The following KCNC3 variants were observed in gnomAD, a reference collection of about 807,000 sequenced individuals.
The protein encoded by KCNC3 is potassium voltage-gated channel subfamily C member 3.
A neutral mutation model predicts 43.9 loss-of-function variants in KCNC3; 22 were observed. That is an observed-to-expected ratio of 0.50 (90% CI 0.36 to 0.72). The LOEUF (loss-of-function observed/expected upper bound fraction) is 0.72. Among genes scored for constraint, KCNC3 ranks in the 30% least tolerant of loss-of-function variants. KCNC3 has a pLI of 0.00. For missense variants in KCNC3, 829 were observed against 1,073.8 expected, an observed-to-expected ratio of 0.77 and a Z score of 3.19; for synonymous variants, 492 against 488.0, an observed-to-expected ratio of 1.01 and a Z score of -0.11.
chr19:50,320,079 G>A, intron 4 of KCNC3, 144 bp downstream of exon 4: 1 of 207,270 alleles, frequency 4.8e-6, no homozygotes, highest in Non-Finnish European at 9.5e-6. Context: ...TCAGTGTCAG[G>A]AGCTGGGGGT....
intron 1 of KCNC3, among the ~76,000 whole-genome samples, chr19:50,325,530 G>A (rs531120446): frequency 9.3e-4 from 142 of 152,302 alleles, no homozygotes; most frequent in African/African-American, 3.3e-3. Flanking sequence ...CGGGGCCACA[G>A]AGAGGACCCT....
Position 50,313,212 on chromosome 19 carries a change from C to T in KCNC3, c.*2903G>A, listed in dbSNP as rs559397386. Reference sequence around the variant, plus strand: ...ACCCGCGAGCGTGACGCGGTGAGGACCGCTGGGGAAGGGGGGCTGGGATCC... The same window carrying T: ...ACCCGCGAGCGTGACGCGGTGAGGATCGCTGGGGAAGGGGGGCTGGGATCC... On this transcript the variant is annotated 3_prime_UTR_variant, in exon 5 of 5. Coordinates refer to ENST00000477616, the MANE Select transcript of KCNC3 (RefSeq NM_004977.3). 6.6e-6 allele frequency: 1 copy of T among 152,212 alleles called. No homozygotes were observed. The highest frequency in any genetic ancestry group is 1.9e-4 in the East Asian group (1 of 5,152). 9.4% of individuals were successfully genotyped at this position (152,212 alleles called of 1,614,324 possible).
intron 2 of KCNC3, among the ~76,000 whole-genome samples, chr19:50,320,992 C>T (rs938165945): frequency 9.2e-5 from 5 of 54,114 alleles, no homozygotes; most frequent in Non-Finnish European, 1.6e-4. Flanking sequence ...CAAGGGGGCG[C>T]GGCTGGGGGG....
At position 50,329,054 on chromosome 19, in the gene KCNC3, A is replaced by G. The variant is rs1254944092; in HGVS notation, c.29T>C (p.Phe10Ser). The change falls in exon 1 of 5, where the codon TTC becomes TCC. Residue 10 changes from phenylalanine (F) to serine (S), a missense_variant. Physicochemically the swap from Phe to Ser is radical, Grantham distance 155. This residue lies in a region of KCNC3 where 129 missense variants were observed against 83.6 expected (regional missense o/e 1.54). Transcript: ENST00000477616. MLSSVCVSS[F>S]RGRQGASKQQ... ...CTTGCTGGCCCCCTGGCGCCCGCGG[A>G]AGGACGAGACGCAGACTGAGCTCAG... 5.4e-6 allele frequency: 7 copies of G among 1,304,234 alleles called. No individual in the cohort carries two copies. In the African/African-American group the frequency reaches 6.5e-5, roughly 12 times the overall value. The allele number at this position is 1,304,234 out of a possible 1,614,324, so 80.8% of individuals were successfully genotyped here.
chr19:50,323,774 A>G lies in KCNC3; in HGVS notation c.1179T>C (p.Tyr393=). The change falls in exon 2 of 5, where the codon TAT becomes TAC. Residue 393 remains tyrosine (Y), a synonymous_variant. Coordinates refer to ENST00000477616, the MANE Select transcript of KCNC3 (RefSeq NM_004977.3). ...TGAGGCCCGAGAGGCCCACCTCGAG[A>G]TAGAAGGGCAGGATGGCCACACAGT... The part of the protein sequence containing the change: ...IIDCVAILPF[Y]LEVGLSGLSS... The G allele has an allele frequency of 6.2e-7, 1 of 1,614,166 alleles. No homozygotes were observed. The highest frequency in any genetic ancestry group is 8.5e-7 in the Non-Finnish European group (1 of 1,180,024).
rs753266819 is a variant in KCNC3 at position 50,323,771 on chromosome 19, G to A, written c.1182C>T (p.Leu394=). The change falls in exon 2 of 5, where the codon CTC becomes CTT. Residue 394 remains leucine, a synonymous_variant. Coordinates refer to ENST00000477616, the MANE Select transcript of KCNC3 (RefSeq NM_004977.3). ...AGCTGAGGCCCGAGAGGCCCACCTC[G>A]AGATAGAAGGGCAGGATGGCCACAC... ...IDCVAILPFY[L]EVGLSGLSSK... 14 of 1,614,092 alleles carry A rather than the reference G, an allele frequency of 8.7e-6. No individual in the cohort carries two copies. Among genetic ancestry groups the A allele is most frequent in the South Asian group, 2.2e-5 (2 of 91,088 alleles).
At position 50,328,636 on chromosome 19, in the gene KCNC3, G is replaced by C; in HGVS notation, c.447C>G (p.Asn149Lys). ...AGTGCAGCTTGCCGGTGCGGTAGTAGTTGAGCACGTACGCGAAGACTCCCG... is the reference window on the plus strand; with the variant it reads ...AGTGCAGCTTGCCGGTGCGGTAGTACTTGAGCACGTACGCGAAGACTCCCG... ...RHPGVFAYVL[N>K]YYRTGKLHCP... is the part of the protein sequence containing the mutation. Residue 149 changes from asparagine (N) to lysine (K), a missense_variant, in exon 1 of 5, where the codon AAC (asparagine) becomes AAG (lysine). Physicochemically the swap from Asn to Lys is moderately conservative, Grantham distance 94. Coordinates refer to ENST00000477616, the MANE Select transcript of KCNC3 (RefSeq NM_004977.3). 6.2e-7 allele frequency: 1 copy of C among 1,611,598 alleles called. No individual in the cohort carries two copies. The highest frequency in any genetic ancestry group is 8.5e-7 in the Non-Finnish European group (1 of 1,179,430).
chr19:50,321,494 G>C lies in KCNC3; in HGVS notation c.1979-710C>G, dbSNP rs552876425. ...AAAGATAAAAGATAAAAGATGCCAGGCGTGGTGGCTTACGCCTGTAATCCC... is the reference window on the plus strand; with the variant it reads ...AAAGATAAAAGATAAAAGATGCCAGCCGTGGTGGCTTACGCCTGTAATCCC... On this transcript the variant is annotated intron_variant, in intron 2 of 4. Coordinates refer to ENST00000477616, the MANE Select transcript of KCNC3 (RefSeq NM_004977.3). Among the ~76,000 whole-genome samples, 7 of 152,114 alleles carry C rather than the reference G, an allele frequency of 4.6e-5. No homozygotes were observed. In the South Asian group the frequency reaches 1.5e-3, roughly 32 times the overall value.
At chr19:50,316,184 A>ACGC (rs1010191325) in intron 4 of KCNC3, 93 bp from the exon 5 acceptor site, 2 of 342,934 alleles carry the variant, frequency 5.8e-6, no homozygotes, top group African/African-American at 4.3e-5. Flanking sequence ...GGATGGAGAA[A>ACGC]CGCCGCCGGG....
At chr19:50,330,832 C>G (rs1302723849), upstream of KCNC3, among the ~76,000 whole-genome samples, 1 of 151,950 alleles carries the variant, frequency 6.6e-6, no homozygotes, top group Non-Finnish European at 1.5e-5. Flanking sequence ...GCGGGCCGTC[C>G]CCGCCCCCTG....
At chr19:50,322,707 T>C (rs2037048750) in intron 2 of KCNC3, among the ~76,000 whole-genome samples, 1 of 152,114 alleles carries the variant, frequency 6.6e-6, no homozygotes, top group Admixed American at 6.5e-5. Context: ...CGGGTCCCTC[T>C]CTCTGCACAG....
intron 4 of KCNC3, among the ~76,000 whole-genome samples, chr19:50,319,366 C>T (rs972989024): frequency 1.3e-5 from 2 of 152,060 alleles, no homozygotes; most frequent in Admixed American, 6.6e-5. Flanking sequence ...CCTCACAAGA[C>T]CCCAGAGCTG....
chr19:50,316,547 C>T (rs1300175668), intron 4 of KCNC3, among the ~76,000 whole-genome samples: 1 of 152,008 alleles, frequency 6.6e-6, no homozygotes, highest in East Asian at 1.9e-4. Flanking sequence ...TCGAGACCAG[C>T]CTGGCCAACA....
chr19:50,322,915 ACCTCCCCAGT>A, intron 2 of KCNC3, 50 bp downstream of exon 2: 1 of 1,502,416 alleles, frequency 6.7e-7, no homozygotes. Context: ...CCCGGCAGCT[ACCTCCCCAGT>A]CCTCCCCGGG....
intron 2 of KCNC3, 140 bp downstream of exon 2, chr19:50,322,835 G>T: frequency 1.3e-6 from 1 of 770,112 alleles, no homozygotes; most frequent in Non-Finnish European, 2.1e-6. Flanking sequence ...CTCCTTCTTC[G>T]CCTGAGCTCC....
At position 50,320,282 on chromosome 19, in the gene KCNC3, G is replaced by T. The variant is rs1167261963; in HGVS notation, c.2238C>A (p.Asp746Glu). The T allele has an allele frequency of 2.8e-6, 3 of 1,062,604 alleles. No homozygotes were observed. Among genetic ancestry groups the T allele is most frequent in the Non-Finnish European group, 3.7e-6 (3 of 800,420 alleles). 65.8% of individuals were successfully genotyped at this position (1,062,604 alleles called of 1,614,324 possible). The change falls in exon 4 of 5, where the codon GAC (aspartate) becomes GAA (glutamate). Residue 746 changes from aspartate to glutamate, a missense_variant. Asp to Glu is a conservative substitution (Grantham distance 45). Around this residue, in one of 7 missense-constraint regions of KCNC3, gnomAD observed 308 missense variants for 276.2 expected, o/e 1.11. Transcript: ENST00000477616. The part of the protein sequence containing the change: ...RKPGPPSFLP[D>E]LNANAAAWIS... ...TCCAGGCCGCGGCGTTGGCGTTGAG[G>T]TCGGGCAAGAAGCTTGGGGGGCCTG...
In KCNC3 at chr19:50,312,003, C is replaced by A. The variant is rs1212637387; in HGVS notation, c.*4112G>T. On this transcript the variant is annotated 3_prime_UTR_variant, in exon 5 of 5. Coordinates refer to ENST00000477616, the MANE Select transcript of KCNC3 (RefSeq NM_004977.3). ...GGGTGGGTGGGAAGGGGGCATGACA[C>A]TTTTTCTTTGGGGAGAGGGGGGTGA... 6.9e-6 allele frequency: 1 copy of A among 144,362 alleles called. No homozygotes were observed. Among genetic ancestry groups the A allele is most frequent in the African/African-American group, 2.6e-5 (1 of 38,314 alleles). The allele number at this position is 144,362 out of a possible 1,614,324, so 8.9% of individuals were successfully genotyped here.
chr19:50,328,910 G>A lies in KCNC3; in HGVS notation c.173C>T (p.Pro58Leu), dbSNP rs2123547321. The stretch of plus-strand genomic sequence containing the variant: ...GGCGCGCCGGTCCCCGGGCCCGCGG[G>A]GTGCCGGGGGGCCCGCCGGGGACGC... ...PAASPAGPPA[P>L]RGPGDRRAEP... The change falls in exon 1 of 5, where the codon CCC becomes CTC. Residue 58 changes from proline to leucine, a missense_variant. By Grantham distance (98) the Pro-to-Leu change is moderately conservative. Transcript: ENST00000477616. The A allele has an allele frequency of 5.5e-6, 5 of 907,868 alleles. No individual in the cohort carries two copies. Among genetic ancestry groups the A allele is most frequent in the East Asian group, 1.2e-4 (1 of 8,426 alleles). 56.2% of individuals were successfully genotyped at this position (907,868 alleles called of 1,614,324 possible).
chr19:50,323,122 CG>C lies in KCNC3; in HGVS notation c.1830del (p.Ala612ProfsTer42). The C allele has an allele frequency of 6.5e-7, 1 of 1,536,350 alleles. No homozygotes were observed. Among genetic ancestry groups the C allele is most frequent in the Non-Finnish European group, 8.7e-7 (1 of 1,144,544 alleles). Reference protein sequence around the residue: ...ITPPSMGVTVAGAYPAGPHTH... With the variant: ...ITPPSMGVTVXGAYPAGPHTH... Reference sequence around the variant, plus strand: ...GTGTGGGGCCCCGCTGGGTAGGCCCCGGCCACAGTCACCCCCATGGAGGGTG... The same window carrying C: ...GTGTGGGGCCCCGCTGGGTAGGCCCCGCCACAGTCACCCCCATGGAGGGTG... On this transcript the variant is annotated frameshift_variant, in exon 2 of 5. Coordinates refer to ENST00000477616, the MANE Select transcript of KCNC3 (RefSeq NM_004977.3). LOFTEE classifies it high-confidence loss of function.
Sources: allele counts gnomAD v4.1 joint callset (sites outside exome capture counted in the v4.1 genomes callset), GRCh38; gene constraint gnomAD v4.1.1; regional missense constraint gnomAD v4.1.1; transcripts MANE v1.5; gene names NCBI Gene and HGNC (gene_info 2026-07-23, HGNC 2026-07-21).